The following PDCD6IP variants were observed in gnomAD, a reference collection of about 807,000 sequenced individuals.
The protein encoded by PDCD6IP is programmed cell death 6 interacting protein, also known as programmed cell death 6-interacting protein.
In PDCD6IP, 43 loss-of-function variants were observed where a neutral mutation model predicts 103.7. The observed-to-expected ratio is 0.41, with a 90% CI of 0.32 to 0.53. The LOEUF (loss-of-function observed/expected upper bound fraction) is 0.53, where lower values mean the gene tolerates loss of function less well. PDCD6IP is among the 20% of genes least tolerant of loss of function. PDCD6IP has a pLI of 0.16. For missense variants in PDCD6IP, 871 were observed against 1,036.7 expected (o/e 0.84, Z 2.20); for synonymous variants, 354 against 378.7 (o/e 0.93, Z 0.76).
At chr3:33,861,159 T>G (rs1697943426) in intron 15 of PDCD6IP, among the ~76,000 whole-genome samples, 1 of 152,052 alleles carries the variant, frequency 6.6e-6, no homozygotes, top group African/African-American at 2.4e-5. Context: ...TTTTTTTTTT[T>G]TGTGAGATGG....
At chr3:33,802,898 A>G (rs764509155) in intron 1 of PDCD6IP, among the ~76,000 whole-genome samples, 4 of 152,122 alleles carry the variant, frequency 2.6e-5, no homozygotes, top group Non-Finnish European at 4.4e-5. Flanking sequence ...CCAGCCTCAC[A>G]TTGAACTACC....
At chr3:33,841,325 C>A (rs1163363740) in intron 9 of PDCD6IP, among the ~76,000 whole-genome samples, 5 of 150,626 alleles carry the variant, frequency 3.3e-5, no homozygotes, top group African/African-American at 1.2e-4. Context: ...ACTGCACCAG[C>A]CTATTTTTTG....
intron 10 of PDCD6IP, among the ~76,000 whole-genome samples, chr3:33,843,417 T>C (rs1697518802): frequency 2.2e-5 from 3 of 137,544 alleles, no homozygotes; most frequent in African/African-American, 8.1e-5. Flanking sequence ...TGCTAGCTTG[T>C]GGCCTACTTT....
chr3:33,859,478 ACTC>A (rs57040889), intron 15 of PDCD6IP, among the ~76,000 whole-genome samples: 6,062 of 152,222 alleles, frequency 0.04, 386 homozygotes, highest in African/African-American at 0.13. Context: ...TTAGAAAAGA[ACTC>A]CTAGAAGTGA....
At chr3:33,861,802 T>C (rs184589090) in intron 15 of PDCD6IP, among the ~76,000 whole-genome samples, 9 of 152,224 alleles carry the variant, frequency 5.9e-5, no homozygotes, top group African/African-American at 1.2e-4. Flanking sequence ...TATATACTTA[T>C]TAGCTGGAGG....
chr3:33,803,713 GA>G (rs1559769325), intron 1 of PDCD6IP, among the ~76,000 whole-genome samples: 2 of 151,966 alleles, frequency 1.3e-5, no homozygotes, highest in African/African-American at 4.8e-5. Context: ...TCCTCCCTCA[GA>G]TTTGCCAAAG....
intron 2 of PDCD6IP, 140 bp downstream of exon 2, chr3:33,812,266 G>T (rs1696736348): frequency 2.4e-6 from 3 of 1,259,856 alleles, no homozygotes; most frequent in Admixed American, 4.3e-5. Context: ...GAATATATGT[G>T]CTTCTGAAGA....
intron 11 of PDCD6IP, 100 bp downstream of exon 11, chr3:33,844,323 C>T (rs535398184): frequency 4.3e-5 from 25 of 587,280 alleles, no homozygotes; most frequent in South Asian, 2.1e-4. Context: ...TCATTTTTAC[C>T]GAAACTGTTT....
intron 3 of PDCD6IP, among the ~76,000 whole-genome samples, chr3:33,814,669 GTATA>G (rs916969090): frequency 2.2e-4 from 30 of 135,900 alleles, no homozygotes; most frequent in African/African-American, 7.1e-4. Context: ...ATGCATGTAT[GTATA>G]TATGTGTATA....
rs187469010 is a variant in PDCD6IP, at chr3:33,855,398, T to A, written c.2120+138T>A. 8.0e-4 allele frequency: 423 copies of A among 527,696 alleles called. 3 individuals carry two copies. Among genetic ancestry groups the A allele is most frequent in the African/African-American group, 7.2e-3 (366 of 51,112 alleles). The allele number at this position is 527,696 out of a possible 1,614,324, so 32.7% of individuals were successfully genotyped here. ...GGAAGAAGGAACTAGATAGAGTATT[T>A]TACAAAGCAACAAGTAAACAGCTGC... is the stretch of plus-strand genomic sequence containing the variant. On this transcript the variant is annotated intron_variant, in intron 15 of 17. Transcript: ENST00000307296.
chr3:33,807,647 T>C (rs189589325), intron 1 of PDCD6IP, among the ~76,000 whole-genome samples: 1 of 152,260 alleles, frequency 6.6e-6, no homozygotes, highest in African/African-American at 2.4e-5. Flanking sequence ...TCCTCCTGTC[T>C]CCCTATGGCT....
At position 33,798,655 on chromosome 3, in the gene PDCD6IP, A is replaced by G. The variant is rs986246057; in HGVS notation, c.-74A>G. ...AGTCAGTCCGCCAGTCCGCCAGCCCAGTACCTCTCTCTCCTCGGCCCTCGT... is the reference window on the plus strand; with the variant it reads ...AGTCAGTCCGCCAGTCCGCCAGCCCGGTACCTCTCTCTCCTCGGCCCTCGT... On this transcript the variant is annotated 5_prime_UTR_variant, in exon 1 of 18. Coordinates refer to ENST00000307296, the MANE Select transcript of PDCD6IP (RefSeq NM_013374.6). The G allele has an allele frequency of 1.6e-5, 22 of 1,354,268 alleles. No homozygotes were observed. The highest frequency in any genetic ancestry group is 1.9e-5 in the Non-Finnish European group (19 of 1,002,662). The allele number at this position is 1,354,268 out of a possible 1,614,324, so 83.9% of individuals were successfully genotyped here. A position where few individuals can be genotyped will look rare whatever the true frequency, so the allele number is the denominator to read the frequency against.
In PDCD6IP at chr3:33,821,881, G is replaced by A. The variant is rs376690629; in HGVS notation, c.335-74G>A. 4.0e-4 allele frequency: 571 copies of A among 1,413,484 alleles called. 1 individual carries two copies. In the South Asian group the frequency reaches 5.1e-3, roughly 13 times the overall value. 87.6% of individuals were successfully genotyped at this position (1,413,484 alleles called of 1,614,324 possible). Reference sequence around the variant, plus strand: ...AGTCAGCGGGATGAGAGAGGTCATAGTATTTCTCTTTGAAACATTTGTTTT... The same window carrying A: ...AGTCAGCGGGATGAGAGAGGTCATAATATTTCTCTTTGAAACATTTGTTTT... On this transcript the variant is annotated intron_variant, in intron 3 of 17. Coordinates refer to ENST00000307296, the MANE Select transcript of PDCD6IP (RefSeq NM_013374.6).
intron 7 of PDCD6IP, among the ~76,000 whole-genome samples, chr3:33,829,505 A>G (rs1697201069): frequency 6.6e-6 from 1 of 152,130 alleles, no homozygotes; most frequent in South Asian, 2.1e-4. Flanking sequence ...ATATACACAC[A>G]TATATCTCTT....
chr3:33,821,883 A>T (rs1696999006), intron 3 of PDCD6IP, 72 bp from the exon 4 acceptor site: 2 of 1,439,462 alleles, frequency 1.4e-6, no homozygotes, highest in South Asian at 2.5e-5. Context: ...AGGTCATAGT[A>T]TTTCTCTTTG....
intron 15 of PDCD6IP, among the ~76,000 whole-genome samples, chr3:33,858,548 C>T (rs568634075): frequency 1.6e-4 from 24 of 152,186 alleles, no homozygotes; most frequent in Admixed American, 8.5e-4. Context: ...CGGTGGCTCA[C>T]GCCTGAAATC....
intron 15 of PDCD6IP, among the ~76,000 whole-genome samples, chr3:33,862,452 A>G (rs919628079): frequency 6.6e-6 from 1 of 152,182 alleles, no homozygotes; most frequent in Non-Finnish European, 1.5e-5. Context: ...GATTGACATC[A>G]TGTATTACAT....
chr3:33,848,412 T>C (rs983757352), intron 12 of PDCD6IP, among the ~76,000 whole-genome samples: 4 of 148,272 alleles, frequency 2.7e-5, no homozygotes, highest in Non-Finnish European at 6.0e-5. Flanking sequence ...CTTTCTTTCT[T>C]TTTTTTTTTT....
intron 3 of PDCD6IP, among the ~76,000 whole-genome samples, chr3:33,817,007 G>A (rs1202682563): frequency 2.0e-5 from 3 of 152,172 alleles, no homozygotes; most frequent in Non-Finnish European, 4.4e-5. Flanking sequence ...ATGTCCTTCA[G>A]TAATGTCTTG....
Sources: allele counts gnomAD v4.1 joint callset (sites outside exome capture counted in the v4.1 genomes callset), GRCh38; gene constraint gnomAD v4.1.1; transcripts MANE v1.5; gene names NCBI Gene and HGNC (gene_info 2026-07-23, HGNC 2026-07-21).